The following HENMT1 variants were observed in gnomAD, a reference collection of about 807,000 sequenced individuals.
HENMT1 encodes the protein HEN methyltransferase 1.
Under a neutral mutation model 31.1 loss-of-function variants are expected in HENMT1, and 27 were observed. That is an observed-to-expected ratio of 0.87 (90% CI 0.64 to 1.20). The LOEUF (loss-of-function observed/expected upper bound fraction) is 1.20. Ranked by LOEUF, HENMT1 falls within the 50% of genes most tolerant of loss-of-function variation. The probability of loss-of-function intolerance (pLI) is 0.00; values close to 1 mark genes in which losing one functional copy is unlikely to be tolerated. For missense variants in HENMT1, 438 were observed against 469.6 expected (o/e 0.93, Z 0.62); for synonymous variants, 167 against 172.2 (o/e 0.97, Z 0.24).
intron 1 of HENMT1, among the ~76,000 whole-genome samples, chr1:108,660,519 A>T (rs1441828310): frequency 3.9e-5 from 6 of 152,376 alleles, no homozygotes; most frequent in African/African-American, 1.4e-4. Flanking sequence ...TCCAACATCT[A>T]TTCAATTCAC....
intron 5 of HENMT1, among the ~76,000 whole-genome samples, chr1:108,651,613 C>A (rs1159442514): frequency 2.6e-5 from 4 of 151,580 alleles, no homozygotes; most frequent in African/African-American, 9.7e-5. Flanking sequence ...CCATTGCTCT[C>A]CAGCCTGGGT....
chr1:108,659,242 C>A (rs1436621896), intron 2 of HENMT1, among the ~76,000 whole-genome samples: 1 of 151,918 alleles, frequency 6.6e-6, no homozygotes, highest in South Asian at 2.1e-4. Flanking sequence ...ATAATGTAAT[C>A]AAATATCCAA....
At chr1:108,651,546 G>A in intron 5 of HENMT1, 1 of 168,922 alleles carries the variant, frequency 5.9e-6, no homozygotes, top group Non-Finnish European at 1.3e-5. Flanking sequence ...TCGGGAGGCT[G>A]AGGCGGGAGA....
In HENMT1 at chr1:108,654,855, A is replaced by G; in HGVS notation, c.264-5T>C. The G allele has an allele frequency of 6.2e-7, 1 of 1,613,888 alleles. No homozygotes were observed. The highest frequency in any genetic ancestry group is 8.5e-7 in the Non-Finnish European group (1 of 1,179,856). On this transcript the variant is annotated splice_region_variant and splice_polypyrimidine_tract_variant and intron_variant, in intron 4 of 7. Transcript: ENST00000651461. Reference sequence around the variant, plus strand: ...AGGAAAGGAGCTAACGAATCCCTGCAAAATAATTATTGAAGAAACTTTCTG... The same window carrying G: ...AGGAAAGGAGCTAACGAATCCCTGCGAAATAATTATTGAAGAAACTTTCTG...
chr1:108,657,035 T>G (rs1194171567), intron 3 of HENMT1, among the ~76,000 whole-genome samples: 1 of 152,214 alleles, frequency 6.6e-6, no homozygotes, highest in East Asian at 1.9e-4. Flanking sequence ...TTAGATAAGA[T>G]TCCTTGTGTT....
chr1:108,657,725 T>C (rs957633026), intron 2 of HENMT1, 146 bp from the exon 3 acceptor site: 3 of 700,034 alleles, frequency 4.3e-6, no homozygotes, highest in Non-Finnish European at 7.1e-6. Context: ...CTAAAATCAT[T>C]AGGTAGCACT....
rs189704510 is a variant in HENMT1, at chr1:108,654,845, G to A, written c.269C>T (p.Ser90Leu). The A allele has an allele frequency of 8.7e-6, 14 of 1,613,932 alleles. No individual in the cohort carries two copies. The highest frequency in any genetic ancestry group is 1.7e-5 in the Admixed American group (1 of 59,992). Residue 90 changes from serine (S) to leucine (L), a missense_variant, in exon 5 of 8, where the codon TCG becomes TTG. Coordinates refer to ENST00000651461, the MANE Select transcript of HENMT1 (RefSeq NM_001102592.2). ...NEDKLRWRGDSLAPFLGDFLK... is the reference protein window; with the variant it reads ...NEDKLRWRGDLLAPFLGDFLK... ...AAAATCCCCCAGGAAAGGAGCTAAC[G>A]AATCCCTGCAAAATAATTATTGAAG... is the stretch of plus-strand genomic sequence containing the variant.
upstream of HENMT1, chr1:108,661,099 C>T (rs1658457976): frequency 4.7e-6 from 3 of 634,382 alleles, no homozygotes; most frequent in African/African-American, 2.0e-5. Context: ...CGCCCGCGCA[C>T]GCACGGCCTC....
At chr1:108,654,915 G>T in intron 4 of HENMT1, 65 bp from the exon 5 acceptor site, 1 of 1,494,912 alleles carries the variant, frequency 6.7e-7, no homozygotes, top group Non-Finnish European at 9.3e-7. Flanking sequence ...ACCAGCTACA[G>T]AACTCAGATC....
In HENMT1 at chr1:108,651,094, G is replaced by C. The variant is rs1303907047; in HGVS notation, c.514C>G (p.Pro172Ala). The change falls in exon 6 of 8, where the codon CCA becomes GCA. Residue 172 changes from proline (P) to alanine (A), a missense_variant. Transcript: ENST00000651461. ...TCTGAATCTCTTAAGGTCACTGATG[G>C]AAACAGGGGATTGAATTCAGAGTTT... ...TPNSEFNPLF[P>A]SVTLRDSDHK... 12 of 1,613,868 alleles carry C rather than the reference G, an allele frequency of 7.4e-6. No individual in the cohort carries two copies. The highest frequency in any genetic ancestry group is 1.3e-5 in the African/African-American group (1 of 75,032).
intron 4 of HENMT1, 141 bp from the exon 5 acceptor site, chr1:108,654,991 A>G: frequency 1.2e-6 from 1 of 838,982 alleles, no homozygotes; most frequent in Non-Finnish European, 1.9e-6. Flanking sequence ...TTGTCTTGAC[A>G]TATTAAAGAC....
chr1:108,656,215 C>T (rs575030458), intron 3 of HENMT1, among the ~76,000 whole-genome samples: 3 of 152,244 alleles, frequency 2.0e-5, no homozygotes, highest in South Asian at 2.1e-4. Context: ...AATACACATG[C>T]CTAGATGGCT....
intron 5 of HENMT1, 150 bp downstream of exon 5, chr1:108,654,566 T>C (rs1658156051): frequency 4.1e-6 from 3 of 728,660 alleles, no homozygotes; most frequent in East Asian, 2.7e-5. Context: ...AAGTAAAATG[T>C]TGGAAAAGCA....
chr1:108,657,144 C>A (rs934279086), intron 3 of HENMT1, among the ~76,000 whole-genome samples: 2 of 152,184 alleles, frequency 1.3e-5, no homozygotes. Flanking sequence ...AACTTTACTT[C>A]TTCCCCCAGG....
intron 5 of HENMT1, among the ~76,000 whole-genome samples, chr1:108,654,260 A>G (rs1658145888): frequency 6.6e-6 from 1 of 152,186 alleles, no homozygotes; most frequent in Non-Finnish European, 1.5e-5. Flanking sequence ...TTTTTATACC[A>G]GAACCACGAT....
chr1:108,658,953 G>A (rs1570640054), intron 2 of HENMT1, among the ~76,000 whole-genome samples: 1 of 152,204 alleles, frequency 6.6e-6, no homozygotes, highest in South Asian at 2.1e-4. Flanking sequence ...AATACAAGTA[G>A]GCAACTTTCT....
At chr1:108,654,926 C>T in intron 4 of HENMT1, 76 bp from the exon 5 acceptor site, 1 of 1,419,288 alleles carries the variant, frequency 7.0e-7, no homozygotes, top group East Asian at 2.4e-5. Context: ...AACTCAGATC[C>T]TCTGATAATT....
rs1194109080 is a variant in HENMT1 at position 108,660,977 on chromosome 1, C to T, written c.-93G>A. ...ACCCTGCTCACTGAAACCAACGCTTCTGTCTTTGTACGGGCCGTCGCTTCC... is the reference window on the plus strand; with the variant it reads ...ACCCTGCTCACTGAAACCAACGCTTTTGTCTTTGTACGGGCCGTCGCTTCC... On this transcript the variant is annotated 5_prime_UTR_variant, in exon 1 of 8. Transcript: ENST00000651461. 1.0e-6 allele frequency: 1 copy of T among 985,116 alleles called. No homozygotes were observed. The highest frequency in any genetic ancestry group is 1.2e-6 in the Non-Finnish European group (1 of 829,796). 61.0% of individuals were successfully genotyped at this position (985,116 alleles called of 1,614,324 possible).
Position 108,650,249 on chromosome 1 carries a change from A to T in HENMT1, c.718T>A (p.Cys240Ser). ...RKNGGKATES[C>S]LSEQHDQHVY... ...TGCTGATCATGCTGCTCTGAAAGAC[A>T]TGATTCTGTTGCCTTTCCTCCATTT... Residue 240 changes from cysteine (C) to serine (S), a missense_variant, in exon 7 of 8, where the codon TGT becomes AGT. By Grantham distance (112) the Cys-to-Ser change is moderately radical. Transcript: ENST00000651461. The T allele has an allele frequency of 6.2e-7, 1 of 1,614,182 alleles. No homozygotes were observed. Among genetic ancestry groups the T allele is most frequent in the Non-Finnish European group, 8.5e-7 (1 of 1,180,008 alleles).
Sources: allele counts gnomAD v4.1 joint callset (sites outside exome capture counted in the v4.1 genomes callset), GRCh38; gene constraint gnomAD v4.1.1; transcripts MANE v1.5; gene names NCBI Gene and HGNC (gene_info 2026-07-23, HGNC 2026-07-21).